Variants in DECR1 observed in about 807,000 individuals in gnomAD.
DECR1 encodes 2,4-dienoyl-CoA reductase 1, also known as 2,4-dienoyl-CoA reductase [(3E)-enoyl-CoA-producing], mitochondrial.
DECR1 carries 44 observed loss-of-function variants against 38.8 expected under a neutral mutation model. That is an observed-to-expected ratio of 1.13 (90% CI 0.89 to 1.46). The LOEUF is 1.46. Ranked by LOEUF, DECR1 falls within the 40% of genes most tolerant of loss-of-function variation. The probability of loss-of-function intolerance (pLI) is 0.00; values close to 1 mark genes in which losing one functional copy is unlikely to be tolerated. For synonymous variants in DECR1, 148 were observed against 135.2 expected, an observed-to-expected ratio of 1.09 and a Z score of -0.66; for missense variants, 428 against 405.5, an observed-to-expected ratio of 1.06 and a Z score of -0.48.
chr8:90,031,789 C>T (rs1191878417), intron 5 of DECR1, among the ~76,000 whole-genome samples: 2 of 152,038 alleles, frequency 1.3e-5, no homozygotes. Flanking sequence ...TGTATTTAGG[C>T]ATACAAGGAG....
chr8:90,010,442 T>G (rs1172460898), intron 1 of DECR1, among the ~76,000 whole-genome samples: 1 of 152,232 alleles, frequency 6.6e-6, no homozygotes, highest in Non-Finnish European at 1.5e-5. Context: ...GGCAGTGGTG[T>G]GGCCATTGGA....
At chr8:90,033,574 G>A (rs1474608269) in intron 5 of DECR1, among the ~76,000 whole-genome samples, 1 of 152,030 alleles carries the variant, frequency 6.6e-6, no homozygotes, top group Non-Finnish European at 1.5e-5. Flanking sequence ...GCCGATAATT[G>A]TTTCACCTTG....
intron 1 of DECR1, among the ~76,000 whole-genome samples, chr8:90,012,421 G>C (rs1812908830): frequency 6.6e-6 from 1 of 152,074 alleles, no homozygotes; most frequent in African/African-American, 2.4e-5. Flanking sequence ...CCAAAGTGCT[G>C]GGATTACAGG....
chr8:90,050,670 C>G (rs1366201955), intron 8 of DECR1, among the ~76,000 whole-genome samples: 1 of 152,172 alleles, frequency 6.6e-6, no homozygotes, highest in East Asian at 1.9e-4. Flanking sequence ...CATCCCATTA[C>G]TGGGTATATA....
At chr8:90,046,123 G>T (rs535771372) in intron 8 of DECR1, among the ~76,000 whole-genome samples, 1 of 152,348 alleles carries the variant, frequency 6.6e-6, no homozygotes, top group African/African-American at 2.4e-5. Flanking sequence ...AATTCAGAGC[G>T]CCTCTTCTCT....
intron 1 of DECR1, among the ~76,000 whole-genome samples, chr8:90,015,141 T>C (rs2130035011): frequency 6.6e-6 from 1 of 152,128 alleles, no homozygotes; most frequent in South Asian, 2.1e-4. Context: ...TGGAAAGTAC[T>C]AAAAACCAAT....
intron 5 of DECR1, among the ~76,000 whole-genome samples, chr8:90,035,039 C>T (rs1393738771): frequency 1.3e-5 from 2 of 152,030 alleles, no homozygotes; most frequent in African/African-American, 2.4e-5. Flanking sequence ...AATATAACTC[C>T]ATTGTCTTCT....
At chr8:90,019,969 T>A (rs1019894269) in intron 4 of DECR1, among the ~76,000 whole-genome samples, 1 of 152,230 alleles carries the variant, frequency 6.6e-6, no homozygotes, top group Non-Finnish European at 1.5e-5. Context: ...TTTAAATGAT[T>A]GATGCTTTTT....
intron 8 of DECR1, 102 bp downstream of exon 8, chr8:90,045,097 T>C (rs1390765816): frequency 2.0e-6 from 2 of 1,024,646 alleles, no homozygotes; most frequent in African/African-American, 1.6e-5. Flanking sequence ...GTAAATATCA[T>C]TTAAAATATG....
intron 8 of DECR1, among the ~76,000 whole-genome samples, chr8:90,048,843 G>A (rs113578378): frequency 8.5e-5 from 13 of 152,268 alleles, no homozygotes; most frequent in African/African-American, 2.9e-4. Flanking sequence ...TATCCACCAC[G>A]ATCAAGTGGG....
intron 6 of DECR1, among the ~76,000 whole-genome samples, chr8:90,037,712 G>T (rs1296723501): frequency 6.6e-6 from 1 of 152,044 alleles, no homozygotes; most frequent in Non-Finnish European, 1.5e-5. Context: ...GCCTCCCAAA[G>T]TGCTGGGATT....
At chr8:90,006,236 A>C in intron 1 of DECR1, 1 of 704,070 alleles carries the variant, frequency 1.4e-6, no homozygotes, top group Admixed American at 2.0e-5. Flanking sequence ...CAGTAGGGAG[A>C]TGTCAGGACT....
chr8:90,019,893 T>G (rs1813107330), intron 4 of DECR1, among the ~76,000 whole-genome samples: 1 of 152,216 alleles, frequency 6.6e-6, no homozygotes, highest in Admixed American at 6.5e-5. Context: ...AAAACAAACT[T>G]GATTTCACTT....
chr8:90,035,932 T>C (rs1339765049), intron 5 of DECR1, among the ~76,000 whole-genome samples: 1 of 138,202 alleles, frequency 7.2e-6, no homozygotes, highest in African/African-American at 2.5e-5. Flanking sequence ...TACTAAGGCA[T>C]TTTTTTTTCT....
chr8:90,051,145 C>T (rs776454518), intron 8 of DECR1, among the ~76,000 whole-genome samples: 6 of 150,762 alleles, frequency 4.0e-5, no homozygotes, highest in Non-Finnish European at 7.4e-5. Flanking sequence ...GCACATTGTG[C>T]ACATTCACCC....
chr8:90,029,272 AT>A (rs1813434047), intron 5 of DECR1: 1 of 152,176 alleles, frequency 6.6e-6, no homozygotes, highest in African/African-American at 2.4e-5. Context: ...AAAAATATAA[AT>A]TGTTTTACAG....
rs544105588 is a variant in DECR1, at chr8:90,018,653, A to G, written c.273-256A>G. 21 of 355,478 alleles carry G rather than the reference A, an allele frequency of 5.9e-5. No homozygotes were observed. In the East Asian group the frequency reaches 9.9e-4, roughly 17 times the overall value. The allele number at this position is 355,478 out of a possible 1,614,324, so 22.0% of individuals were successfully genotyped here. Reference sequence around the variant, plus strand: ...ATTTTCTTTGTAAACCTGGCTTATCAAGGAAATAATTTAAATCTGTGAGTA... The same window carrying G: ...ATTTTCTTTGTAAACCTGGCTTATCGAGGAAATAATTTAAATCTGTGAGTA... On this transcript the variant is annotated intron_variant, in intron 2 of 9. Transcript: ENST00000220764.
intron 5 of DECR1, among the ~76,000 whole-genome samples, chr8:90,028,503 A>G (rs1813411595): frequency 6.6e-6 from 1 of 152,156 alleles, no homozygotes. Context: ...TTATACCAGA[A>G]AGCTAGAATT....
intron 5 of DECR1, among the ~76,000 whole-genome samples, chr8:90,028,715 CCCTTCCTT>C (rs1221534988): frequency 1.3e-5 from 2 of 149,848 alleles, no homozygotes; most frequent in Non-Finnish European, 2.9e-5. Context: ...CTTCCTTCCT[CCCTTCCTT>C]TCTTTTTTTC....
Sources: gnomAD v4.1 joint callset for allele counts (sites outside exome capture counted in the v4.1 genomes callset) on GRCh38, gnomAD v4.1.1 for gene constraint, MANE v1.5 for transcripts, NCBI Gene and HGNC (gene_info 2026-07-23, HGNC 2026-07-21) for gene names.